CLIC4: variants seen among roughly 807,000 people sequenced by gnomAD.
CLIC4 encodes CLIC family member 4, also known as chloride intracellular channel protein 4.
In CLIC4, 13 loss-of-function variants were observed where a neutral mutation model predicts 24.6. The ratio of observed to expected loss-of-function variants is 0.53; its 90% CI spans 0.34 to 0.84. CLIC4 has a LOEUF of 0.84. Ranked by LOEUF, CLIC4 falls within the 40% of genes least tolerant of loss-of-function variation. The pLI is 0.01. For missense variants in CLIC4, 227 were observed against 301.7 expected (o/e 0.75, Z 1.83); for synonymous variants, 104 against 111.3 (o/e 0.93, Z 0.41).
chr1:24,815,265 A>T (rs1639656103), intron 3 of CLIC4, among the ~76,000 whole-genome samples: 1 of 152,194 alleles, frequency 6.6e-6, no homozygotes, highest in Admixed American at 6.5e-5. Context: ...TGGGAGGCTG[A>T]GGCGGATGGA....
chr1:24,765,050 A>T (rs886074549), intron 1 of CLIC4, among the ~76,000 whole-genome samples: 1 of 152,224 alleles, frequency 6.6e-6, no homozygotes, highest in Non-Finnish European at 1.5e-5. Flanking sequence ...AATATTTTCC[A>T]CTAGAGTTAT....
chr1:24,797,289 G>A (rs1056085242), intron 1 of CLIC4, among the ~76,000 whole-genome samples: 1 of 151,436 alleles, frequency 6.6e-6, no homozygotes, highest in Non-Finnish European at 1.5e-5. Flanking sequence ...AGAGGCTAGC[G>A]CTAGCTGGGT....
chr1:24,821,784 G>A (rs1449605143), intron 3 of CLIC4, among the ~76,000 whole-genome samples: 9 of 152,058 alleles, frequency 5.9e-5, no homozygotes, highest in Middle Eastern at 3.2e-3. Flanking sequence ...GGGTCTCGCC[G>A]TGTTACCCAA....
intron 1 of CLIC4, among the ~76,000 whole-genome samples, chr1:24,784,646 T>C (rs1428134426): frequency 6.6e-6 from 1 of 152,190 alleles, no homozygotes; most frequent in Non-Finnish European, 1.5e-5. Context: ...ATTTCATGAA[T>C]TGGTGATGCT....
At chr1:24,812,927 C>T (rs1264011065) in intron 2 of CLIC4, among the ~76,000 whole-genome samples, 1 of 152,030 alleles carries the variant, frequency 6.6e-6, no homozygotes, top group Non-Finnish European at 1.5e-5. Context: ...CCATGTTGGC[C>T]AGGAGGGTCT....
rs542629301 is a variant in CLIC4, at chr1:24,768,636, G to A, written c.72+23011G>A. Reference sequence around the variant, plus strand: ...GCTTAAAACATTAACATGTCGGCCGGGTGCGGTGGCTCACGCCTGTAATCC... The same window carrying A: ...GCTTAAAACATTAACATGTCGGCCGAGTGCGGTGGCTCACGCCTGTAATCC... On this transcript the variant is annotated intron_variant, in intron 1 of 5. Transcript: ENST00000374379. Among the ~76,000 whole-genome samples, 90 of 152,140 alleles carry A rather than the reference G, an allele frequency of 5.9e-4. 2 individuals are homozygous for A. In the South Asian group the frequency reaches 0.018, roughly 31 times the overall value.
intron 2 of CLIC4, among the ~76,000 whole-genome samples, chr1:24,799,670 C>T (rs1445149549): frequency 5.2e-5 from 7 of 133,602 alleles, no homozygotes; most frequent in Non-Finnish European, 8.1e-5. Flanking sequence ...CCCCCCCGCC[C>T]GGCCAGCCGC....
At position 24,820,067 on chromosome 1, in the gene CLIC4, G is replaced by GTGTGTATATATATATA. The variant is rs1212033050; in HGVS notation, c.308+5849_308+5850insGTGTATATATATATAT. Among the ~76,000 whole-genome samples the GTGTGTATATATATATA allele has an allele frequency of 6.7e-3, 244 of 36,440 alleles. 24 individuals are homozygous for GTGTGTATATATATATA. Among genetic ancestry groups the GTGTGTATATATATATA allele is most frequent in the East Asian group, 0.02 (17 of 864 alleles). The allele number at this position is 36,440 out of a possible 152,430, so 23.9% of individuals were successfully genotyped here. On this transcript the variant is annotated intron_variant, in intron 3 of 5. Transcript: ENST00000374379. ...TACTTCAAAAAAAAAAAAAAAGTAT[G>GTGTGTATATATATATA]TATATATATATGTATATATATATAT...
chr1:24,820,067 G>GTGTGTGTATATATATA (rs1212033050), intron 3 of CLIC4, among the ~76,000 whole-genome samples: 21 of 36,476 alleles, frequency 5.8e-4, no homozygotes, highest in East Asian at 1.2e-3. Flanking sequence ...AAAAAAGTAT[G>GTGTGTGTATATATATA]TATATATATA....
At chr1:24,766,870 C>G (rs1158008394) in intron 1 of CLIC4, among the ~76,000 whole-genome samples, 1 of 151,146 alleles carries the variant, frequency 6.6e-6, no homozygotes, top group Non-Finnish European at 1.5e-5. Flanking sequence ...ATTAATATTT[C>G]AAGTAGGCAA....
chr1:24,835,506 C>T (rs886135488), intron 4 of CLIC4, among the ~76,000 whole-genome samples: 11 of 152,004 alleles, frequency 7.2e-5, no homozygotes, highest in South Asian at 2.1e-4. Flanking sequence ...GAGGTTGCAG[C>T]GAGCTGAGAT....
chr1:24,809,648 A>G (rs958236629), intron 2 of CLIC4, among the ~76,000 whole-genome samples: 2 of 152,072 alleles, frequency 1.3e-5, no homozygotes, highest in African/African-American at 4.8e-5. Context: ...TTTAGTAGAG[A>G]TGGGGTTTCA....
intron 1 of CLIC4, among the ~76,000 whole-genome samples, chr1:24,756,110 C>CT (rs1180141517): frequency 6.6e-6 from 1 of 151,884 alleles, no homozygotes; most frequent in Non-Finnish European, 1.5e-5. Context: ...CGCCATTCTC[C>CT]TGCCTCAGCC....
At chr1:24,781,945 G>A (rs1639210745) in intron 1 of CLIC4, among the ~76,000 whole-genome samples, 2 of 152,080 alleles carry the variant, frequency 1.3e-5, no homozygotes, top group East Asian at 1.9e-4. Flanking sequence ...CCACTGCGCC[G>A]GGCCTTGTAG....
At position 24,745,522 on chromosome 1, in the gene CLIC4, C is replaced by T. The variant is rs1253801330; in HGVS notation, c.-32C>T. The T allele has an allele frequency of 1.3e-6, 2 of 1,560,188 alleles. No homozygotes were observed. Among genetic ancestry groups the T allele is most frequent in the Middle Eastern group, 2.2e-4 (1 of 4,548 alleles). On this transcript the variant is annotated 5_prime_UTR_variant, in exon 1 of 6. Transcript: ENST00000374379. ...AGAAGCAGCAGCAGCAGCAGCAGCC[C>T]TCGCCGTTCGCGGAGCGCAGCCGAG... is the stretch of plus-strand genomic sequence containing the variant.
chr1:24,751,635 A>C (rs1638777576), intron 1 of CLIC4, among the ~76,000 whole-genome samples: 1 of 152,212 alleles, frequency 6.6e-6, no homozygotes, highest in South Asian at 2.1e-4. Context: ...TTGAACCACA[A>C]ATGAGAGTAA....
chr1:24,788,851 T>C (rs1175435280), intron 1 of CLIC4, among the ~76,000 whole-genome samples: 1 of 152,190 alleles, frequency 6.6e-6, no homozygotes, highest in Non-Finnish European at 1.5e-5. Context: ...TCCTGCTGCC[T>C]CTTGCCTGAG....
chr1:24,775,953 C>T (rs1455569796), intron 1 of CLIC4, among the ~76,000 whole-genome samples: 7 of 151,586 alleles, frequency 4.6e-5, no homozygotes, highest in Non-Finnish European at 1.0e-4. Flanking sequence ...TTTGTTATGC[C>T]CGTCTTAAAA....
At chr1:24,830,386 C>T (rs538465408) in intron 4 of CLIC4, among the ~76,000 whole-genome samples, 29 of 151,442 alleles carry the variant, frequency 1.9e-4, no homozygotes, top group Non-Finnish European at 3.7e-4. Context: ...AGAAATTCTG[C>T]TTTGTATTTT....
Sources: allele counts gnomAD v4.1 joint callset (sites outside exome capture counted in the v4.1 genomes callset), GRCh38; gene constraint gnomAD v4.1.1; transcripts MANE v1.5; gene names NCBI Gene and HGNC (gene_info 2026-07-23, HGNC 2026-07-21).